The following PSD3 variants were observed in gnomAD, a reference collection of about 807,000 sequenced individuals.
The protein encoded by PSD3 is PH and SEC7 domain-containing protein 3.
A neutral mutation model predicts 105.5 loss-of-function variants in PSD3; 49 were observed. That is an observed-to-expected ratio of 0.46 (90% confidence interval 0.37 to 0.59). PSD3 has a LOEUF of 0.59. PSD3 is among the 20% of genes least tolerant of loss of function. The pLI is 0.00. For missense variants in PSD3, 1,561 were observed against 1,263.8 expected (o/e 1.24, Z -3.57); for synonymous variants, 557 against 457.8 (o/e 1.22, Z -2.77).
At chr8:18,747,308 T>C (rs1472741668) in intron 9 of PSD3, among the ~76,000 whole-genome samples, 1 of 152,176 alleles carries the variant, frequency 6.6e-6, no homozygotes. Flanking sequence ...AAGGAAAATA[T>C]AGGAACATGA....
In PSD3 at chr8:18,897,269, G is replaced by A. The variant is rs988113389; in HGVS notation, c.131-24536C>T. ...GATGTGTCTGCTTATTGAAGAGACT[G>A]TCCTTTTCCCAGTGAATGTTCTTGG... On this transcript the variant is annotated intron_variant, in intron 2 of 15. Transcript: ENST00000327040. Among the ~76,000 whole-genome samples the A allele has an allele frequency of 2.0e-5, 3 of 152,272 alleles. No individual in the cohort carries two copies. In the South Asian group the frequency reaches 6.2e-4, roughly 32 times the overall value.
At chr8:18,700,433 A>G (rs1216279931) in intron 9 of PSD3, among the ~76,000 whole-genome samples, 1 of 152,254 alleles carries the variant, frequency 6.6e-6, no homozygotes, top group Admixed American at 6.5e-5. Flanking sequence ...TCTTAAAGAT[A>G]TAACATACTG....
chr8:18,947,511 G>A (rs917525302), intron 1 of PSD3, among the ~76,000 whole-genome samples: 1 of 152,164 alleles, frequency 6.6e-6, no homozygotes, highest in Non-Finnish European at 1.5e-5. Flanking sequence ...GGGAAGCCGG[G>A]GTTCTGCTGC....
At chr8:18,536,302 C>T (rs1214633395) in intron 15 of PSD3, among the ~76,000 whole-genome samples, 3 of 152,272 alleles carry the variant, frequency 2.0e-5, no homozygotes, top group Non-Finnish European at 4.4e-5. Context: ...CTCTGGTTTT[C>T]GGCGGCTGCA....
chr8:19,001,438 G>A (rs1006934118), intron 1 of PSD3, among the ~76,000 whole-genome samples: 1 of 150,600 alleles, frequency 6.6e-6, no homozygotes, highest in African/African-American at 2.5e-5. Flanking sequence ...CCCCACCAGA[G>A]CGGTACATTT....
chr8:18,821,231 A>T (rs1440028721), intron 4 of PSD3, among the ~76,000 whole-genome samples: 6 of 151,894 alleles, frequency 4.0e-5, no homozygotes, highest in Admixed American at 3.9e-4. Flanking sequence ...CTCAAACAAG[A>T]CCATTCAAAA....
intron 10 of PSD3, among the ~76,000 whole-genome samples, chr8:18,646,322 T>G (rs1808030536): frequency 6.6e-6 from 1 of 152,174 alleles, no homozygotes; most frequent in Admixed American, 6.5e-5. Flanking sequence ...CTACTCTGAT[T>G]AACAATTTTA....
At position 18,754,113 on chromosome 8, in the gene PSD3, G is replaced by T. The variant is rs892887889; in HGVS notation, c.2172+11336C>A. Reference sequence around the variant, plus strand: ...ATAATTTCAATTTAGGCCAGGTGCGGTGGCTCACGCCTGTAATCCCACCAC... The same window carrying T: ...ATAATTTCAATTTAGGCCAGGTGCGTTGGCTCACGCCTGTAATCCCACCAC... On this transcript the variant is annotated intron_variant, in intron 9 of 15. Coordinates refer to ENST00000327040, the MANE Select transcript of PSD3 (RefSeq NM_015310.4). Among the ~76,000 whole-genome samples, 53 of 152,288 alleles carry T rather than the reference G, an allele frequency of 3.5e-4. 1 individual carries two copies. Among genetic ancestry groups the T allele is most frequent in the African/African-American group, 1.3e-3 (53 of 41,568 alleles).
intron 8 of PSD3, among the ~76,000 whole-genome samples, chr8:18,770,192 TG>T (rs1302874823): frequency 6.6e-6 from 1 of 152,232 alleles, no homozygotes; most frequent in East Asian, 1.9e-4. Context: ...GGGTATGCTA[TG>T]GTTTTGATTT....
chr8:18,729,126 C>T (rs769541257), intron 9 of PSD3, among the ~76,000 whole-genome samples: 31 of 152,278 alleles, frequency 2.0e-4, no homozygotes, highest in African/African-American at 7.2e-4. Flanking sequence ...CAATTTTTAA[C>T]GCTAGAGACT....
At chr8:18,575,830 C>T (rs1034727832) in intron 12 of PSD3, among the ~76,000 whole-genome samples, 27 of 152,244 alleles carry the variant, frequency 1.8e-4, no homozygotes, top group African/African-American at 6.5e-4. Context: ...TACTCCAGCT[C>T]TTCTGCTGAA....
upstream of PSD3, among the ~76,000 whole-genome samples, chr8:19,015,012 C>G (rs1827131063): frequency 6.6e-6 from 1 of 152,154 alleles, no homozygotes; most frequent in Admixed American, 6.5e-5. Context: ...TGGAAGCACC[C>G]CAGTCACTTG....
intron 1 of PSD3, among the ~76,000 whole-genome samples, chr8:19,063,620 G>C (rs766161982): frequency 5.3e-5 from 8 of 152,110 alleles, no homozygotes; most frequent in Non-Finnish European, 1.0e-4. Context: ...CATGTCTGGA[G>C]ATCAATAGCG....
chr8:19,056,453 A>G (rs1378639185), intron 1 of PSD3, among the ~76,000 whole-genome samples: 1 of 152,256 alleles, frequency 6.6e-6, no homozygotes, highest in Non-Finnish European at 1.5e-5. Context: ...GATGGAAAGC[A>G]TGGACAAATT....
At chr8:18,700,930 G>T (rs1437559687) in intron 9 of PSD3, among the ~76,000 whole-genome samples, 1 of 152,022 alleles carries the variant, frequency 6.6e-6, no homozygotes, top group Non-Finnish European at 1.5e-5. Flanking sequence ...AAGGTCTTTG[G>T]AAATTTAAAA....
intron 4 of PSD3, among the ~76,000 whole-genome samples, chr8:18,842,296 G>C (rs1352324337): frequency 6.6e-6 from 1 of 152,138 alleles, no homozygotes; most frequent in East Asian, 1.9e-4. Context: ...AAGTCTACAT[G>C]GCATTTTATA....
chr8:18,683,927 A>T (rs750378881), intron 9 of PSD3: 1 of 762,056 alleles, frequency 1.3e-6, no homozygotes, highest in African/African-American at 1.7e-5. Flanking sequence ...TATTCACGCC[A>T]ATCATTTTCG....
At chr8:18,726,167 C>T (rs1467859725) in intron 9 of PSD3, among the ~76,000 whole-genome samples, 1 of 152,252 alleles carries the variant, frequency 6.6e-6, no homozygotes, top group Non-Finnish European at 1.5e-5. Context: ...AAAGGCACTC[C>T]TGTGCCAAAT....
chr8:18,758,031 G>A (rs914106715), intron 9 of PSD3, among the ~76,000 whole-genome samples: 3 of 151,334 alleles, frequency 2.0e-5, no homozygotes, highest in African/African-American at 7.3e-5. Context: ...TTGTTTTACT[G>A]ACAGAATTAC....
Sources: allele counts gnomAD v4.1 joint callset (sites outside exome capture counted in the v4.1 genomes callset), GRCh38; gene constraint gnomAD v4.1.1; transcripts MANE v1.5; gene names NCBI Gene and HGNC (gene_info 2026-07-23, HGNC 2026-07-21).